APP: variants seen among roughly 807,000 people sequenced by gnomAD.
APP encodes amyloid beta precursor protein.
In APP, 31 loss-of-function variants were observed where a neutral mutation model predicts 101.4. The observed-to-expected ratio is 0.31, with a 90% confidence interval of 0.23 to 0.41. The LOEUF is 0.41. APP is among the 10% of genes least tolerant of loss of function. The pLI is 1.00. For missense variants in APP, 839 were observed against 1,003.7 expected, an observed-to-expected ratio of 0.84 and a Z score of 2.22; for synonymous variants, 366 against 364.4, an observed-to-expected ratio of 1.00 and a Z score of -0.05.
At chr21:26,074,015 T>C (rs2061455713) in intron 3 of APP, among the ~76,000 whole-genome samples, 1 of 152,164 alleles carries the variant, frequency 6.6e-6, no homozygotes, top group African/African-American at 2.4e-5. Context: ...GGGAAACTAA[T>C]TATCTTCCCA....
At chr21:25,918,331 T>C (rs1043532487) in intron 13 of APP, among the ~76,000 whole-genome samples, 7 of 152,162 alleles carry the variant, frequency 4.6e-5, no homozygotes, top group African/African-American at 1.4e-4. Flanking sequence ...ATATACACCA[T>C]GGAATACTAT....
At chr21:26,165,061 CAT>C (rs894037327) in intron 1 of APP, among the ~76,000 whole-genome samples, 27 of 152,088 alleles carry the variant, frequency 1.8e-4, no homozygotes, top group African/African-American at 5.8e-4. Context: ...AATTTTATAA[CAT>C]GTATTCTAAA....
In APP at chr21:26,111,469, G is replaced by A. The variant is rs45543433; in HGVS notation, c.225+510C>T. On this transcript the variant is annotated intron_variant, in intron 2 of 17. Transcript: ENST00000346798. ...AGGAGTGTGGAGGGCTGAGCATGGT[G>A]GCTCATACCCGTAATCTCAGCACTT... Among the ~76,000 whole-genome samples the A allele has an allele frequency of 2.0e-5, 3 of 152,230 alleles. No homozygotes were observed. The East Asian group carries it at 5.8e-4, about 29-fold the overall frequency.
intron 11 of APP, among the ~76,000 whole-genome samples, chr21:25,966,816 C>T (rs1310700256): frequency 3.3e-5 from 5 of 152,136 alleles, no homozygotes; most frequent in Non-Finnish European, 7.3e-5. Context: ...TACACCAACA[C>T]CCACATTGGT....
intron 3 of APP, among the ~76,000 whole-genome samples, chr21:26,056,351 T>C (rs2046042074): frequency 6.6e-6 from 1 of 152,230 alleles, no homozygotes; most frequent in Admixed American, 6.5e-5. Context: ...CTGAACATTT[T>C]TAATGAGGAG....
intron 2 of APP, among the ~76,000 whole-genome samples, chr21:26,108,147 C>T (rs1410255725): frequency 1.3e-5 from 2 of 152,104 alleles, no homozygotes; most frequent in Admixed American, 6.6e-5. Flanking sequence ...AGCACTGTTC[C>T]ACGGAAACAG....
At chr21:25,952,474 T>C (rs1158308611) in intron 13 of APP, among the ~76,000 whole-genome samples, 4 of 152,124 alleles carry the variant, frequency 2.6e-5, no homozygotes, top group African/African-American at 9.7e-5. Context: ...TGCTGCCCTA[T>C]TCTTGGGCAT....
At chr21:26,165,248 TCAA>T (rs1273067581) in intron 1 of APP, among the ~76,000 whole-genome samples, 1 of 152,230 alleles carries the variant, frequency 6.6e-6, no homozygotes, top group East Asian at 1.9e-4. Context: ...CCATTGTACA[TCAA>T]CATCATCACC....
At position 26,021,909 on chromosome 21, in the gene APP, T is replaced by G; in HGVS notation, c.796A>C (p.Thr266Pro). The stretch of plus-strand genomic sequence containing the variant: ...GTGGCAATGCTGGTGGTTCTCTCTG[T>G]GGCTTCTTCGTAGGGTTCCTCAGCC... ...EEAEEPYEEA[T>P]ERTTSIATTT... Residue 266 changes from threonine to proline, a missense_variant, in exon 6 of 18, where the codon ACA becomes CCA. Transcript: ENST00000346798. 6.2e-7 allele frequency: 1 copy of G among 1,613,422 alleles called. No homozygotes were observed. The highest frequency in any genetic ancestry group is 1.3e-5 in the African/African-American group (1 of 74,986).
chr21:25,906,283 T>C (rs1392578102), intron 14 of APP, among the ~76,000 whole-genome samples: 1 of 152,246 alleles, frequency 6.6e-6, no homozygotes, highest in East Asian at 1.9e-4. Context: ...TCCTTTCTCA[T>C]GTAGAGACTG....
At chr21:26,165,643 T>A (rs551800934) in intron 1 of APP, among the ~76,000 whole-genome samples, 29 of 152,218 alleles carry the variant, frequency 1.9e-4, no homozygotes, top group Non-Finnish European at 3.8e-4. Flanking sequence ...AGGTGACATT[T>A]TTAAAAACCT....
At chr21:25,891,998 C>A in intron 16 of APP, 130 bp from the exon 17 acceptor site, 11 of 850,054 alleles carry the variant, frequency 1.3e-5, no homozygotes, top group Admixed American at 4.7e-5. Context: ...TAAAAAGTTT[C>A]AGTATATTCT....
intron 8 of APP, 67 bp from the exon 9 acceptor site, chr21:25,982,544 T>C (rs1205568710): frequency 2.0e-5 from 29 of 1,485,152 alleles, no homozygotes; most frequent in Non-Finnish European, 2.7e-5. Context: ...TCCACTCGTT[T>C]AATAGAAAGC....
At chr21:25,928,328 C>G (rs897095962) in intron 13 of APP, among the ~76,000 whole-genome samples, 2 of 143,700 alleles carry the variant, frequency 1.4e-5, no homozygotes, top group Non-Finnish European at 3.0e-5. Flanking sequence ...GGCGACAGAG[C>G]GAGACTCCAT....
At position 25,924,559 on chromosome 21, in the gene APP, C is replaced by G. The variant is rs147933672; in HGVS notation, c.1688-12597G>C. On this transcript the variant is annotated intron_variant, in intron 13 of 17. Coordinates refer to ENST00000346798, the MANE Select transcript of APP (RefSeq NM_000484.4). ...TTCTCACTCATAAGTGGGAGCTGAA[C>G]AATGAGAACACATGGACACAGGGAG... 1.8e-3 allele frequency among the ~76,000 whole-genome samples: 268 copies of G among 151,410 alleles called. 1 individual carries two copies. The highest frequency in any genetic ancestry group is 6.0e-3 in the African/African-American group (248 of 41,264).
At chr21:26,082,171 A>T (rs991542857) in intron 3 of APP, among the ~76,000 whole-genome samples, 5 of 152,228 alleles carry the variant, frequency 3.3e-5, no homozygotes, top group African/African-American at 1.2e-4. Context: ...GTGAGCCGAG[A>T]TCACGCCATT....
At chr21:26,052,261 G>A (rs2045867672) in intron 4 of APP, among the ~76,000 whole-genome samples, 1 of 152,164 alleles carries the variant, frequency 6.6e-6, no homozygotes, top group Non-Finnish European at 1.5e-5. Context: ...TGGTTATCCT[G>A]TTGACTGTAG....
At chr21:26,096,469 C>A (rs920469410) in intron 2 of APP, among the ~76,000 whole-genome samples, 2 of 50 alleles carry the variant, frequency 0.04, no homozygotes, top group African/African-American at 0.083. Flanking sequence ...AACTCTGCAG[C>A]ACCATCCCCT....
intron 14 of APP, among the ~76,000 whole-genome samples, chr21:25,909,030 G>A (rs1255250044): frequency 1.3e-5 from 2 of 152,140 alleles, no homozygotes; most frequent in African/African-American, 2.4e-5. Context: ...TTGGGAGGCT[G>A]AGGCGGGCGG....
Sources: gnomAD v4.1 joint callset for allele counts (sites outside exome capture counted in the v4.1 genomes callset) on GRCh38, gnomAD v4.1.1 for gene constraint, MANE v1.5 for transcripts, NCBI Gene and HGNC (gene_info 2026-07-23, HGNC 2026-07-21) for gene names.